Variants in LRRK1 observed in about 807,000 individuals in gnomAD.
LRRK1 encodes the protein leucine rich repeat kinase 1, also known as leucine-rich repeat serine/threonine-protein kinase 1.
Under a neutral mutation model 209.1 loss-of-function variants are expected in LRRK1, and 113 were observed. That is an observed-to-expected ratio of 0.54 (90% CI 0.46 to 0.63). The LOEUF is 0.63. LRRK1 is among the 30% of genes least tolerant of loss of function. The pLI is 0.00. For synonymous variants in LRRK1, 1,144 were observed against 1,099.7 expected (o/e 1.04, Z -0.80); for missense variants, 2,284 against 2,632.2 (o/e 0.87, Z 2.89).
At chr15:101,064,258 G>C (rs891245997) in intron 31 of LRRK1, among the ~76,000 whole-genome samples, 1 of 152,198 alleles carries the variant, frequency 6.6e-6, no homozygotes, top group South Asian at 2.1e-4. Context: ...AGTGAGCTAC[G>C]GGTCTCCACT....
At chr15:100,962,581 G>C (rs2030066303) in intron 2 of LRRK1, among the ~76,000 whole-genome samples, 2 of 151,498 alleles carry the variant, frequency 1.3e-5, no homozygotes, top group South Asian at 4.2e-4. Context: ...ATCTGCTGAA[G>C]GGGACGGCTA....
At chr15:101,046,218 G>C in intron 21 of LRRK1, 66 bp downstream of exon 21, 1 of 1,526,582 alleles carries the variant, frequency 6.6e-7, no homozygotes, top group South Asian at 1.2e-5. Flanking sequence ...ACCACTGGGG[G>C]AGGGGAATGC....
At chr15:100,955,752 A>G (rs2042741289) in intron 2 of LRRK1, among the ~76,000 whole-genome samples, 1 of 151,888 alleles carries the variant, frequency 6.6e-6, no homozygotes, top group African/African-American at 2.4e-5. Context: ...TCATTATATG[A>G]TTTTTATCCT....
chr15:100,944,419 C>G (rs944502390), intron 2 of LRRK1, among the ~76,000 whole-genome samples: 2 of 152,078 alleles, frequency 1.3e-5, no homozygotes, highest in Non-Finnish European at 2.9e-5. Flanking sequence ...TATCTTAGGT[C>G]GAAGGGGTGG....
Position 101,065,817 on chromosome 15 carries a change from A to G in LRRK1, c.5380A>G (p.Thr1794Ala), listed in dbSNP as rs368408781. 26 of 1,613,928 alleles carry G rather than the reference A, an allele frequency of 1.6e-5. No individual in the cohort carries two copies. Among genetic ancestry groups the G allele is most frequent in the Non-Finnish European group, 2.1e-5 (25 of 1,180,012 alleles). ...RDMFPVRPLD[T>A]EPPAASHTAN... Reference sequence around the variant, plus strand: ...CATGTTTCCCGTGCGGCCCTTGGACACGGAACCCCCGGCAGCCAGCCACAC... The same window carrying G: ...CATGTTTCCCGTGCGGCCCTTGGACGCGGAACCCCCGGCAGCCAGCCACAC... The change falls in exon 32 of 34, where the codon ACG (threonine) becomes GCG (alanine). Residue 1794 changes from threonine to alanine, a missense_variant. By Grantham distance (58) the Thr-to-Ala change is moderately conservative. Transcript: ENST00000388948.
chr15:101,059,266 C>T (rs527625833), intron 29 of LRRK1, among the ~76,000 whole-genome samples: 28 of 152,186 alleles, frequency 1.8e-4, no homozygotes, highest in South Asian at 1.7e-3. Flanking sequence ...GGAATGGTGG[C>T]GAGCACCTGT....
At chr15:100,995,400 C>T (rs1321547892) in intron 6 of LRRK1, among the ~76,000 whole-genome samples, 3 of 152,200 alleles carry the variant, frequency 2.0e-5, no homozygotes, top group Admixed American at 6.5e-5. Flanking sequence ...TTGGGTTTTG[C>T]TGGTGTTTGG....
chr15:101,063,761 T>C (rs1481819720), intron 31 of LRRK1, among the ~76,000 whole-genome samples: 1 of 151,660 alleles, frequency 6.6e-6, no homozygotes, highest in Non-Finnish European at 1.5e-5. Context: ...TACTTCTGGA[T>C]GGTCGCAAAA....
Position 101,054,347 on chromosome 15 carries a change from C to T in LRRK1, c.4055-599C>T, listed in dbSNP as rs142339695. 5.9e-5 allele frequency among the ~76,000 whole-genome samples: 9 copies of T among 152,312 alleles called. No individual in the cohort carries two copies. In the East Asian group the frequency reaches 1.7e-3, roughly 29 times the overall value. ...GACCTGAGGTGAACTCTAGAGATTT[C>T]GAACCCTTGCTCATTCAGCAAAATG... On this transcript the variant is annotated intron_variant, in intron 26 of 33. Coordinates refer to ENST00000388948, the MANE Select transcript of LRRK1 (RefSeq NM_024652.6).
At chr15:101,056,619 A>ATGGG (rs2035816329) in intron 27 of LRRK1, among the ~76,000 whole-genome samples, 5 of 152,246 alleles carry the variant, frequency 3.3e-5, no homozygotes, top group Middle Eastern at 6.8e-3. Flanking sequence ...AAATGGATGG[A>ATGGG]TGGGTGGATG....
intron 10 of LRRK1, among the ~76,000 whole-genome samples, chr15:101,014,114 A>G (rs1405136852): frequency 1.3e-5 from 2 of 152,156 alleles, no homozygotes; most frequent in Admixed American, 6.5e-5. Context: ...TCCTGTAGAT[A>G]GATGGCCCCG....
chr15:101,052,034 G>A, intron 24 of LRRK1, 74 bp downstream of exon 24: 1 of 1,541,002 alleles, frequency 6.5e-7, no homozygotes, highest in Admixed American at 1.8e-5. Context: ...GTTGCCGAGT[G>A]ATCTCCAGGA....
rs763849093 is a variant in LRRK1 at position 101,055,152 on chromosome 15, G to A, written c.4261G>A (p.Ala1421Thr). Residue 1421 changes from alanine to threonine, a missense_variant, in exon 27 of 34, where the codon GCC becomes ACC. This residue lies in a region of LRRK1 where 59 missense variants were observed against 103.8 expected (regional missense o/e 0.57). Transcript: ENST00000388948. ...GISRQSFHEGALGVEGTPGYQ... is the reference protein window; with the variant it reads ...GISRQSFHEGTLGVEGTPGYQ... ...TTCGAGGCAGTCATTCCATGAGGGC[G>A]CCCTAGGCGTGGAGGGCACTCCTGG... is the stretch of plus-strand genomic sequence containing the variant. 9 of 1,612,434 alleles carry A rather than the reference G, an allele frequency of 5.6e-6. No homozygotes were observed. The highest frequency in any genetic ancestry group is 6.8e-6 in the Non-Finnish European group (8 of 1,179,038).
chr15:100,957,809 C>A (rs2042795108), intron 2 of LRRK1, among the ~76,000 whole-genome samples: 1 of 152,210 alleles, frequency 6.6e-6, no homozygotes, highest in Non-Finnish European at 1.5e-5. Context: ...TAGTTACTGA[C>A]AAGTAAGGAC....
intron 20 of LRRK1, among the ~76,000 whole-genome samples, chr15:101,043,117 T>C (rs561901349): frequency 6.6e-6 from 1 of 152,352 alleles, no homozygotes; most frequent in East Asian, 1.9e-4. Flanking sequence ...CCACAGAATG[T>C]TGCCATGCAG....
chr15:100,991,008 G>A (rs2032133514), intron 6 of LRRK1, among the ~76,000 whole-genome samples: 1 of 152,110 alleles, frequency 6.6e-6, no homozygotes, highest in Non-Finnish European at 1.5e-5. Flanking sequence ...TGTGTGTATT[G>A]TATGAGGGAA....
intron 20 of LRRK1, among the ~76,000 whole-genome samples, chr15:101,041,604 C>G (rs1462888867): frequency 1.3e-5 from 2 of 152,068 alleles, no homozygotes; most frequent in Non-Finnish European, 2.9e-5. Flanking sequence ...TAATATTATA[C>G]CACCTTGAAT....
intron 3 of LRRK1, among the ~76,000 whole-genome samples, chr15:100,980,314 A>G (rs1465181743): frequency 6.6e-6 from 1 of 152,110 alleles, no homozygotes; most frequent in Non-Finnish European, 1.5e-5. Flanking sequence ...CAATCTCAAA[A>G]GATCATATTC....
Position 101,010,663 on chromosome 15 carries a change from T to A in LRRK1, c.1118-11T>A. On this transcript the variant is annotated splice_polypyrimidine_tract_variant and intron_variant, in intron 8 of 33. Coordinates refer to ENST00000388948, the MANE Select transcript of LRRK1 (RefSeq NM_024652.6). ...CCAATTCATACTTTGGGTCTTTTTTTTTTTTTTTAGCCACTAACTGGATAG... is the reference window on the plus strand; with the variant it reads ...CCAATTCATACTTTGGGTCTTTTTTATTTTTTTTAGCCACTAACTGGATAG... 2 of 1,589,240 alleles carry A rather than the reference T, an allele frequency of 1.3e-6. No homozygotes were observed. Among genetic ancestry groups the A allele is most frequent in the South Asian group, 1.2e-5 (1 of 85,376 alleles).
Sources: gnomAD v4.1 joint callset for allele counts (sites outside exome capture counted in the v4.1 genomes callset) on GRCh38, gnomAD v4.1.1 for gene constraint, gnomAD v4.1.1 regional missense constraint, MANE v1.5 for transcripts, NCBI Gene and HGNC (gene_info 2026-07-23, HGNC 2026-07-21) for gene names.